NKAIN3: variants seen among roughly 807,000 people sequenced by gnomAD.
The protein encoded by NKAIN3 is sodium/potassium transporting ATPase interacting 3.
NKAIN3 carries 25 observed loss-of-function variants against 30.2 expected under a neutral mutation model. The ratio of observed to expected loss-of-function variants is 0.83; its 90% CI spans 0.60 to 1.16. NKAIN3 has a LOEUF of 1.16. NKAIN3 is among the 50% of genes most tolerant of loss of function. The pLI is 0.00. For missense variants in NKAIN3, 225 were observed against 254.1 expected, an observed-to-expected ratio of 0.89 and a Z score of 0.78; for synonymous variants, 91 against 89.6, an observed-to-expected ratio of 1.02 and a Z score of -0.09.
chr8:62,928,951 G>GAGAGTT (rs1006186509), intron 5 of NKAIN3, among the ~76,000 whole-genome samples: 20 of 152,216 alleles, frequency 1.3e-4, no homozygotes, highest in Non-Finnish European at 2.4e-4. Context: ...TCATTCAAGG[G>GAGAGTT]AGAGTTAGGA....
chr8:62,729,557 A>G (rs1056420448), intron 3 of NKAIN3, among the ~76,000 whole-genome samples: 1 of 152,146 alleles, frequency 6.6e-6, no homozygotes, highest in Non-Finnish European at 1.5e-5. Flanking sequence ...CTGCACCTAG[A>G]TGTTTATTAC....
At chr8:62,990,326 TC>T in intron 5 of NKAIN3, 1 of 1,364,822 alleles carries the variant, frequency 7.3e-7, no homozygotes. Flanking sequence ...AGAGTGTCAT[TC>T]TAAACCCCAG....
chr8:62,324,123 A>G (rs974419764), intron 1 of NKAIN3, among the ~76,000 whole-genome samples: 1 of 152,138 alleles, frequency 6.6e-6, no homozygotes, highest in Non-Finnish European at 1.5e-5. Flanking sequence ...ATTAACAATA[A>G]TGTATCAATA....
chr8:62,825,323 T>C (rs1420207419), intron 4 of NKAIN3, among the ~76,000 whole-genome samples: 4 of 152,226 alleles, frequency 2.6e-5, no homozygotes, highest in East Asian at 1.9e-4. Flanking sequence ...GTATCTTTTA[T>C]TGGAGATTCA....
intron 3 of NKAIN3, among the ~76,000 whole-genome samples, chr8:62,638,562 A>G (rs912955500): frequency 6.6e-6 from 1 of 152,176 alleles, no homozygotes; most frequent in African/African-American, 2.4e-5. Context: ...TAATGAGAAG[A>G]ATAACTATTG....
intron 1 of NKAIN3, among the ~76,000 whole-genome samples, chr8:62,430,355 A>G (rs901650497): frequency 2.2e-5 from 3 of 138,996 alleles, no homozygotes; most frequent in African/African-American, 8.1e-5. Flanking sequence ...AGATACATAC[A>G]TATATATTGT....
chr8:62,648,294 G>A (rs563889070), intron 3 of NKAIN3, among the ~76,000 whole-genome samples: 6 of 152,180 alleles, frequency 3.9e-5, no homozygotes, highest in South Asian at 2.1e-4. Context: ...TACAATTGGC[G>A]GTTGAATTTT....
At chr8:62,939,518 C>A (rs939917579) in intron 5 of NKAIN3, among the ~76,000 whole-genome samples, 1 of 152,050 alleles carries the variant, frequency 6.6e-6, no homozygotes, top group East Asian at 1.9e-4. Context: ...CATCAGGTAA[C>A]CTATAAAGGA....
chr8:62,335,449 AAAG>A (rs1815516330), intron 1 of NKAIN3, among the ~76,000 whole-genome samples: 1 of 148,686 alleles, frequency 6.7e-6, no homozygotes, highest in South Asian at 2.1e-4. Context: ...AAAAAAAAAA[AAAG>A]AAAGAAAGAA....
intron 4 of NKAIN3, among the ~76,000 whole-genome samples, chr8:62,904,243 G>C (rs1234693343): frequency 6.6e-6 from 1 of 152,060 alleles, no homozygotes; most frequent in Non-Finnish European, 1.5e-5. Flanking sequence ...AGTTCAACAG[G>C]GTGACTGGAA....
chr8:62,788,905 A>T (rs1178176323), intron 4 of NKAIN3, among the ~76,000 whole-genome samples: 2 of 152,042 alleles, frequency 1.3e-5, no homozygotes, highest in East Asian at 3.9e-4. Flanking sequence ...TCTGTTTTGG[A>T]ACCAGTACCG....
chr8:62,730,019 C>T (rs528237097), intron 3 of NKAIN3, among the ~76,000 whole-genome samples: 1 of 152,244 alleles, frequency 6.6e-6, no homozygotes, highest in Non-Finnish European at 1.5e-5. Flanking sequence ...CAACATGCCA[C>T]GTTTGGACAA....
intron 4 of NKAIN3, among the ~76,000 whole-genome samples, chr8:62,802,223 A>G (rs1446356570): frequency 6.6e-6 from 1 of 152,236 alleles, no homozygotes; most frequent in African/African-American, 2.4e-5. Flanking sequence ...GAAATTCCCC[A>G]ATCTAGCAAG....
At chr8:62,862,334 C>A (rs1414330107) in intron 4 of NKAIN3, among the ~76,000 whole-genome samples, 1 of 151,554 alleles carries the variant, frequency 6.6e-6, no homozygotes, top group African/African-American at 2.4e-5. Flanking sequence ...TGAATGGAAT[C>A]ATAACAAAGA....
intron 1 of NKAIN3, among the ~76,000 whole-genome samples, chr8:62,560,531 C>T (rs543051017): frequency 5.1e-4 from 23 of 45,354 alleles, no homozygotes; most frequent in Non-Finnish European, 7.8e-4. Context: ...TTTTTCTTTT[C>T]TTTTTTTTTT....
intron 4 of NKAIN3, among the ~76,000 whole-genome samples, chr8:62,752,773 C>T (rs984527309): frequency 6.6e-6 from 1 of 152,072 alleles, no homozygotes; most frequent in Non-Finnish European, 1.5e-5. Flanking sequence ...TATACATTTT[C>T]TGGATTTTAG....
intron 3 of NKAIN3, among the ~76,000 whole-genome samples, chr8:62,738,615 A>AAC (rs1815754577): frequency 6.6e-6 from 1 of 151,714 alleles, no homozygotes; most frequent in Non-Finnish European, 1.5e-5. Flanking sequence ...AAAAAAAAAA[A>AAC]AAAGTCCTCT....
At chr8:62,639,986 T>C (rs116823063) in intron 3 of NKAIN3, among the ~76,000 whole-genome samples, 3,076 of 152,256 alleles carry the variant, frequency 0.02, 86 homozygotes, top group African/African-American at 0.069. Flanking sequence ...TCAAACTTTG[T>C]AGTCATAAAT....
At chr8:62,778,083 G>A (rs1586185489) in intron 4 of NKAIN3, among the ~76,000 whole-genome samples, 2 of 152,162 alleles carry the variant, frequency 1.3e-5, no homozygotes, top group East Asian at 3.9e-4. Flanking sequence ...GAGCTGCCTG[G>A]AGCTGGGGGA....
Sources: gnomAD v4.1 joint callset for allele counts (sites outside exome capture counted in the v4.1 genomes callset) on GRCh38, gnomAD v4.1.1 for gene constraint, MANE v1.5 for transcripts, NCBI Gene and HGNC (gene_info 2026-07-23, HGNC 2026-07-21) for gene names.